DGKD: variants seen among roughly 807,000 people sequenced by gnomAD.
The protein encoded by DGKD is diacylglycerol kinase delta.
In DGKD, 68 loss-of-function variants were observed where a neutral mutation model predicts 154.4. The observed-to-expected ratio is 0.44, with a 90% CI of 0.36 to 0.54. DGKD has a LOEUF of 0.54. Ranked by LOEUF, DGKD falls within the 20% of genes least tolerant of loss-of-function variation. The pLI is 0.00. For synonymous variants in DGKD, 693 were observed against 638.0 expected (o/e 1.09, Z -1.30); for missense variants, 1,343 against 1,593.6 (o/e 0.84, Z 2.68).
chr2:233,358,521 A>C (rs186278108), intron 1 of DGKD, among the ~76,000 whole-genome samples: 1 of 152,188 alleles, frequency 6.6e-6, no homozygotes, highest in Non-Finnish European at 1.5e-5. Context: ...CTGTTTTGCA[A>C]CCATCACCAC....
intron 17 of DGKD, among the ~76,000 whole-genome samples, 185 bp downstream of exon 17, chr2:233,451,235 A>G (rs1432926981): frequency 6.6e-6 from 1 of 152,120 alleles, no homozygotes; most frequent in Non-Finnish European, 1.5e-5. Context: ...ACAAAAAACA[A>G]AAAACAAAAG....
intron 19 of DGKD, among the ~76,000 whole-genome samples, chr2:233,455,900 G>T (rs1222970440): frequency 6.6e-6 from 1 of 152,224 alleles, no homozygotes; most frequent in Non-Finnish European, 1.5e-5. Context: ...TGGCTCAGGG[G>T]CCCCAGGGAC....
rs372579972 is a variant in DGKD at position 233,469,579 on chromosome 2, G to T, written c.*119G>T. On this transcript the variant is annotated 3_prime_UTR_variant, in exon 30 of 30. Transcript: ENST00000264057. ...AGGCCCTGGGCAGATGCTGCAGCCC[G>T]CCCCCTTCTCATGGTGCTACTTCCT... 4.9e-6 allele frequency: 4 copies of T among 817,828 alleles called. No individual in the cohort carries two copies. The highest frequency in any genetic ancestry group is 4.7e-5 in the Admixed American group (2 of 42,968). 50.7% of individuals were successfully genotyped at this position (817,828 alleles called of 1,614,324 possible). A position where few individuals can be genotyped will look rare whatever the true frequency, so the allele number is the denominator to read the frequency against.
chr2:233,441,784 C>A lies in DGKD; in HGVS notation c.1086-103C>A. 9.5e-7 allele frequency: 1 copy of A among 1,050,418 alleles called. No individual in the cohort carries two copies. The allele number at this position is 1,050,418 out of a possible 1,614,324, so 65.1% of individuals were successfully genotyped here. ...TGCGTGCTCTGCCTCTGGTGCAGGTCAGCCATGAGGAGCACAGGTGGCCCC... is the reference window on the plus strand; with the variant it reads ...TGCGTGCTCTGCCTCTGGTGCAGGTAAGCCATGAGGAGCACAGGTGGCCCC... On this transcript the variant is annotated intron_variant, in intron 9 of 29. Transcript: ENST00000264057. This position sits in a 1 kb window ranked among gnomAD's most constrained non-coding sequence, Gnocchi z 5.6.
chr2:233,418,784 G>A (rs1046391793), intron 3 of DGKD, among the ~76,000 whole-genome samples: 3 of 151,884 alleles, frequency 2.0e-5, no homozygotes, highest in Admixed American at 6.6e-5. Flanking sequence ...GGAAGTGCAT[G>A]ACAGCTGTTT....
intron 29 of DGKD, 82 bp downstream of exon 29, chr2:233,468,635 G>C (rs2063903140): frequency 1.9e-6 from 3 of 1,579,224 alleles, no homozygotes; most frequent in Non-Finnish European, 2.6e-6. Context: ...CCCCGACCTG[G>C]CCATGTCCCA....
chr2:233,448,120 G>T lies in DGKD; in HGVS notation c.1453G>T (p.Ala485Ser), dbSNP rs1444332599. The T allele has an allele frequency of 6.2e-7, 1 of 1,614,010 alleles. No homozygotes were observed. Among genetic ancestry groups the T allele is most frequent in the Admixed American group, 1.7e-5 (1 of 60,004 alleles). ...QQILFYEDSV[A>S]AHLSKILTSD... ...GATTCTCTTCTATGAAGACTCGGTT[G>T]CAGCCCACCTTTCTAAAATCCTCAC... The change falls in exon 13 of 30, where the codon GCA (alanine) becomes TCA (serine). Residue 485 changes from alanine to serine, a missense_variant. Around this residue, in one of 6 missense-constraint regions of DGKD, gnomAD observed 409 missense variants for 446.0 expected, o/e 0.92. Transcript: ENST00000264057.
rs767908353 is a variant in DGKD, at chr2:233,440,159, C to T, written c.1086-1728C>T. On this transcript the variant is annotated intron_variant, in intron 9 of 29. Transcript: ENST00000264057. This position sits in a 1 kb window ranked among gnomAD's most constrained non-coding sequence, Gnocchi z 4.9. The stretch of plus-strand genomic sequence containing the variant: ...CACAGCGGCGTAAGGGGAGTTGAGT[C>T]GTCATTTACCATTTCTGGAAGCAGC... Among the ~76,000 whole-genome samples, 1 of 152,142 alleles carries T rather than the reference C, an allele frequency of 6.6e-6. No individual in the cohort carries two copies. Among genetic ancestry groups the T allele is most frequent in the Non-Finnish European group, 1.5e-5 (1 of 68,028 alleles).
Position 233,354,993 on chromosome 2 carries a change from G to C in DGKD, c.156+319G>C, listed in dbSNP as rs772044682. 7.3e-5 allele frequency among the ~76,000 whole-genome samples: 11 copies of C among 151,536 alleles called. No individual in the cohort carries two copies. Among genetic ancestry groups the C allele is most frequent in the Admixed American group, 2.6e-4 (4 of 15,242 alleles). On this transcript the variant is annotated intron_variant, in intron 1 of 29. Transcript: ENST00000264057. This position sits in a 1 kb window ranked among gnomAD's most constrained non-coding sequence, Gnocchi z 4.8. Reference sequence around the variant, plus strand: ...AGGACCCGGAGGAAACTGAGGCCTAGATGCAGGGGACTGCGCTCGTGCCAC... The same window carrying C: ...AGGACCCGGAGGAAACTGAGGCCTACATGCAGGGGACTGCGCTCGTGCCAC...
intron 1 of DGKD, among the ~76,000 whole-genome samples, chr2:233,384,058 G>T (rs1703037935): frequency 1.3e-5 from 2 of 152,126 alleles, no homozygotes; most frequent in South Asian, 4.1e-4. Context: ...ATAACAGTAT[G>T]TACAGTATGG....
chr2:233,446,342 C>T (rs1294890555), intron 11 of DGKD, among the ~76,000 whole-genome samples: 1 of 152,224 alleles, frequency 6.6e-6, no homozygotes, highest in Non-Finnish European at 1.5e-5. Context: ...TTGCAATGCC[C>T]CCACCATTTC....
chr2:233,436,070 C>T (rs1195343476), intron 6 of DGKD, 146 bp downstream of exon 6: 27 of 1,046,110 alleles, frequency 2.6e-5, no homozygotes, highest in Admixed American at 8.2e-5. Context: ...AAATTATATG[C>T]GGTCTCCGTG....
chr2:233,444,629 T>C (rs112012057), intron 10 of DGKD, among the ~76,000 whole-genome samples: 295 of 147,414 alleles, frequency 2.0e-3, no homozygotes, highest in African/African-American at 7.2e-3. Flanking sequence ...TGGGCACCCT[T>C]CAGCACTGGG....
chr2:233,413,793 G>C (rs889022277), intron 3 of DGKD, among the ~76,000 whole-genome samples: 1 of 152,204 alleles, frequency 6.6e-6, no homozygotes, highest in African/African-American at 2.4e-5. Context: ...CAAATTCTTG[G>C]CTATGTGCCC....
Position 233,362,056 on chromosome 2 carries a change from C to T in DGKD, c.156+7382C>T, listed in dbSNP as rs990746975. On this transcript the variant is annotated intron_variant, in intron 1 of 29. Transcript: ENST00000264057. Reference sequence around the variant, plus strand: ...CAGGTGATCTGCCCGCCTCGGCCTCCCAAAGTGCTGGGATTACATGCGTGA... The same window carrying T: ...CAGGTGATCTGCCCGCCTCGGCCTCTCAAAGTGCTGGGATTACATGCGTGA... Among the ~76,000 whole-genome samples the T allele has an allele frequency of 3.3e-5, 5 of 152,138 alleles. No homozygotes were observed. In the East Asian group the frequency reaches 7.7e-4, roughly 23 times the overall value.
intron 3 of DGKD, among the ~76,000 whole-genome samples, chr2:233,431,151 G>A (rs190105653): frequency 2.4e-4 from 37 of 152,264 alleles, no homozygotes; most frequent in East Asian, 9.7e-4. Context: ...AAATCAACAT[G>A]CAAAACTCAG....
At position 233,448,327 on chromosome 2, in the gene DGKD, T is replaced by C. The variant is rs756146431; in HGVS notation, c.1566T>C (p.Tyr522=). The C allele has an allele frequency of 6.8e-6, 11 of 1,613,952 alleles. No individual in the cohort carries two copies. The highest frequency in any genetic ancestry group is 9.3e-6 in the Non-Finnish European group (11 of 1,180,014). The change falls in exon 14 of 30, where the codon TAT becomes TAC. Residue 522 remains tyrosine (Y), a synonymous_variant. Transcript: ENST00000264057. ...TCGTGGCACGGGTGGGGAAGGCCTATGAGAAGACGACCGAGAGCTCGGAGG... is the reference window on the plus strand; with the variant it reads ...TCGTGGCACGGGTGGGGAAGGCCTACGAGAAGACGACCGAGAGCTCGGAGG... ...KDFVARVGKA[Y]EKTTESSEES...
chr2:233,357,004 A>G (rs934722797), intron 1 of DGKD, among the ~76,000 whole-genome samples: 2 of 152,198 alleles, frequency 1.3e-5, no homozygotes, highest in Non-Finnish European at 2.9e-5. Context: ...TGATGTGAGA[A>G]CTGAGAATGC....
Position 233,445,362 on chromosome 2 carries a change from A to G in DGKD, c.1195-261A>G, listed in dbSNP as rs1406838911. Among the ~76,000 whole-genome samples the G allele has an allele frequency of 6.6e-6, 1 of 152,074 alleles. No individual in the cohort carries two copies. Among genetic ancestry groups the G allele is most frequent in the Non-Finnish European group, 1.5e-5 (1 of 68,014 alleles). Reference sequence around the variant, plus strand: ...CCATCAAGATGTGATGACAGCTGAGAGATGGACCTGTGGCTCATCCATTTC... The same window carrying G: ...CCATCAAGATGTGATGACAGCTGAGGGATGGACCTGTGGCTCATCCATTTC... On this transcript the variant is annotated intron_variant, in intron 10 of 29. Coordinates refer to ENST00000264057, the MANE Select transcript of DGKD (RefSeq NM_152879.3). This position sits in a 1 kb window ranked among gnomAD's most constrained non-coding sequence, Gnocchi z 5.5.
Sources: allele counts gnomAD v4.1 joint callset (sites outside exome capture counted in the v4.1 genomes callset), GRCh38; gene constraint gnomAD v4.1.1; regional missense constraint gnomAD v4.1.1; non-coding constraint Gnocchi (gnomAD v3.1); transcripts MANE v1.5; gene names NCBI Gene and HGNC (gene_info 2026-07-23, HGNC 2026-07-21).